Variants in NDUFA10 observed in about 807,000 individuals in gnomAD.
NDUFA10 encodes the protein NADH dehydrogenase [ubiquinone] 1 alpha subcomplex subunit 10, mitochondrial.
A neutral mutation model predicts 47.8 loss-of-function variants in NDUFA10; 40 were observed. The ratio of observed to expected loss-of-function variants is 0.84; its 90% CI spans 0.65 to 1.09. The LOEUF (loss-of-function observed/expected upper bound fraction) is 1.09. Ranked by LOEUF, NDUFA10 falls within the 50% of genes least tolerant of loss-of-function variation. The pLI is 0.00. For missense variants in NDUFA10, 413 were observed against 451.1 expected, an observed-to-expected ratio of 0.92 and a Z score of 0.76; for synonymous variants, 183 against 172.2, an observed-to-expected ratio of 1.06 and a Z score of -0.49.
In NDUFA10 at chr2:239,966,173, T is replaced by C. The variant is rs1695051061; in HGVS notation, c.1000-4987A>G. On this transcript the variant is annotated intron_variant, in intron 9 of 9. Transcript: ENST00000252711. ...CGAGGCCTGGAGCTGGGAAGGGATT[T>C]TAGACAGTGCACTGGGAGGCACCCT... Among the ~76,000 whole-genome samples, 4 of 152,106 alleles carry C rather than the reference T, an allele frequency of 2.6e-5. No homozygotes were observed. In the South Asian group the frequency reaches 8.3e-4, roughly 32 times the overall value.
intron 4 of NDUFA10, among the ~76,000 whole-genome samples, chr2:239,935,763 C>T (rs1487878426): frequency 6.6e-6 from 1 of 152,224 alleles, no homozygotes; most frequent in South Asian, 2.1e-4. Flanking sequence ...AAACTCCTTT[C>T]TCTTGGCTCC....
chr2:239,916,355 C>T (rs1332049425), intron 4 of NDUFA10, among the ~76,000 whole-genome samples: 1 of 151,780 alleles, frequency 6.6e-6, no homozygotes, highest in Non-Finnish European at 1.5e-5. Flanking sequence ...CACACAGACA[C>T]ACATACACAG....
At chr2:239,911,684 T>C (rs1245543476) in intron 4 of NDUFA10, among the ~76,000 whole-genome samples, 1 of 151,662 alleles carries the variant, frequency 6.6e-6, no homozygotes, top group East Asian at 1.9e-4. Context: ...TGTGTGCGTG[T>C]GTGTGTGTGT....
intron 4 of NDUFA10, among the ~76,000 whole-genome samples, chr2:239,919,611 A>T (rs1693935010): frequency 6.6e-6 from 1 of 152,210 alleles, no homozygotes; most frequent in Admixed American, 6.5e-5. Context: ...GTGTGGGGTT[A>T]TGGGTGATTT....
intron 4 of NDUFA10, among the ~76,000 whole-genome samples, chr2:239,934,851 A>G (rs1349879473): frequency 2.0e-5 from 3 of 152,078 alleles, no homozygotes; most frequent in Admixed American, 6.5e-5. Flanking sequence ...TTTTCCACAC[A>G]TGGGCCTGCA....
At chr2:240,024,550 C>T (rs184644280) in intron 1 of NDUFA10, among the ~76,000 whole-genome samples, 1 of 152,312 alleles carries the variant, frequency 6.6e-6, no homozygotes, top group Non-Finnish European at 1.5e-5. Flanking sequence ...CATGCTATTA[C>T]ACACGTGTCA....
intron 4 of NDUFA10, among the ~76,000 whole-genome samples, chr2:239,917,491 G>T (rs1379100192): frequency 6.6e-6 from 1 of 152,194 alleles, no homozygotes; most frequent in African/African-American, 2.4e-5. Flanking sequence ...TAAACTATCT[G>T]GGCAGGCCTG....
At position 239,936,525 on chromosome 2, in the gene NDUFA10, G is replaced by A. The variant is rs115829996; in HGVS notation, c.295-41211C>T. On this transcript the variant is annotated intron_variant, in intron 4 of 5. Transcript: ENST00000419408. ...AAACTGCAGGCTGGGGGATGACGAC[G>A]GGTCAGTGCAGGCTCACACACCAGG... Among the ~76,000 whole-genome samples, 446 of 152,300 alleles carry A rather than the reference G, an allele frequency of 2.9e-3. 2 individuals carry two copies. The highest frequency in any genetic ancestry group is 0.01 in the African/African-American group (418 of 41,564).
At chr2:239,995,703 C>T (rs555430750) in intron 8 of NDUFA10, among the ~76,000 whole-genome samples, 2 of 152,250 alleles carry the variant, frequency 1.3e-5, no homozygotes, top group South Asian at 4.1e-4. Context: ...TTACTACTTA[C>T]TATCTACAAG....
At position 239,959,148 on chromosome 2, in the gene NDUFA10, TAC is replaced by T. The variant is rs764838080; in HGVS notation, c.*1968_*1969del. 31 of 985,316 alleles carry T rather than the reference TAC, an allele frequency of 3.1e-5. No homozygotes were observed. The highest frequency in any genetic ancestry group is 3.7e-5 in the Non-Finnish European group (31 of 829,932). 61.0% of individuals were successfully genotyped at this position (985,316 alleles called of 1,614,324 possible). ...GACGAATGTCCTCAGCACTACAAAT[TAC>T]ATACTTCCCACTCCATCAAGGGAAT... On this transcript the variant is annotated 3_prime_UTR_variant, in exon 10 of 10. Coordinates refer to ENST00000252711, the MANE Select transcript of NDUFA10 (RefSeq NM_004544.4).
Position 239,973,501 on chromosome 2 carries a change from TAGC to T in NDUFA10, c.1000-12318_1000-12316del, listed in dbSNP as rs1457557289. Reference sequence around the variant, plus strand: ...CTTGAGATAGTAAAAGAAACAAAAATAGCAGGCGAGAAAACAGAAGATTCTGTT... The same window carrying T: ...CTTGAGATAGTAAAAGAAACAAAAATAGGCGAGAAAACAGAAGATTCTGTT... On this transcript the variant is annotated intron_variant, in intron 9 of 9. Coordinates refer to ENST00000252711, the MANE Select transcript of NDUFA10 (RefSeq NM_004544.4). 1.5e-5 allele frequency: 7 copies of T among 470,794 alleles called. No individual in the cohort carries two copies. The Admixed American group carries it at 1.6e-4, about 11-fold the overall frequency. The allele number at this position is 470,794 out of a possible 1,614,324, so 29.2% of individuals were successfully genotyped here.
chr2:240,020,349 C>T (rs1697569752), intron 3 of NDUFA10, among the ~76,000 whole-genome samples: 1 of 152,198 alleles, frequency 6.6e-6, no homozygotes, highest in Admixed American at 6.5e-5. Context: ...CACCCATCTC[C>T]CTCTCTCCGC....
chr2:240,014,963 A>C, intron 4 of NDUFA10, 103 bp from the exon 5 acceptor site: 166 of 1,492,090 alleles, frequency 1.1e-4, no homozygotes, highest in Non-Finnish European at 1.5e-4. Flanking sequence ...CGCAATTCTC[A>C]AAGCCACGTA....
chr2:239,938,594 G>A lies in NDUFA10; in HGVS notation c.295-43280C>T, dbSNP rs543343947. ...TTCCTGCCCAGTGGGGTCTGCTCCC[G>A]GGCAGCTGTGGTTAATCCACTGCCA... On this transcript the variant is annotated intron_variant, in intron 4 of 5. Transcript: ENST00000419408. Among the ~76,000 whole-genome samples, 56 of 152,290 alleles carry A rather than the reference G, an allele frequency of 3.7e-4. 1 individual carries two copies. The highest frequency in any genetic ancestry group is 1.5e-3 in the Admixed American group (23 of 15,304).
intron 8 of NDUFA10, among the ~76,000 whole-genome samples, chr2:239,997,124 T>A (rs2106456175): frequency 6.6e-6 from 1 of 152,090 alleles, no homozygotes; most frequent in East Asian, 1.9e-4. Context: ...AATCCAAGGA[T>A]GCGGAACCCA....
intron 4 of NDUFA10, among the ~76,000 whole-genome samples, chr2:239,930,290 T>TGCTCCTCC (rs1694144888): frequency 6.7e-6 from 1 of 149,216 alleles, no homozygotes; most frequent in Non-Finnish European, 1.5e-5. Context: ...CCTGCTCCTC[T>TGCTCCTCC]GCCACCCCTG....
At chr2:239,977,937 G>A (rs1023088520) in intron 9 of NDUFA10, among the ~76,000 whole-genome samples, 1 of 152,182 alleles carries the variant, frequency 6.6e-6, no homozygotes, top group African/African-American at 2.4e-5. Context: ...CCCCATGGGA[G>A]GAAAGAGCCC....
Position 240,016,732 on chromosome 2 carries a change from A to G in NDUFA10, c.547+1821T>C, listed in dbSNP as rs79050961. Among the ~76,000 whole-genome samples the G allele has an allele frequency of 6.6e-6, 1 of 151,954 alleles. No individual in the cohort carries two copies. Among genetic ancestry groups the G allele is most frequent in the African/African-American group, 2.4e-5 (1 of 41,334 alleles). ...CCCCCATCACCCCTTGGGCTTTCCC[A>G]AGGAAAGCATGCTCACGGTCAGTGC... On this transcript the variant is annotated intron_variant, in intron 4 of 9. Transcript: ENST00000252711. This position sits in a 1 kb window ranked among gnomAD's most constrained non-coding sequence, Gnocchi z 4.4.
At chr2:239,948,190 C>G (rs1216053355) in intron 4 of NDUFA10, among the ~76,000 whole-genome samples, 2 of 152,254 alleles carry the variant, frequency 1.3e-5, no homozygotes, top group Non-Finnish European at 2.9e-5. Context: ...AGAGCTAGAA[C>G]CTCCTGGGCC....
Sources: allele counts gnomAD v4.1 joint callset (sites outside exome capture counted in the v4.1 genomes callset), GRCh38; gene constraint gnomAD v4.1.1; non-coding constraint Gnocchi (gnomAD v3.1); transcripts MANE v1.5; gene names NCBI Gene and HGNC (gene_info 2026-07-23, HGNC 2026-07-21).